Variants in SYCE1 observed in about 807,000 individuals in gnomAD.
The protein encoded by SYCE1 is cancer/testis antigen 76.
SYCE1 carries 37 observed loss-of-function variants against 55.1 expected under a neutral mutation model. The observed-to-expected ratio is 0.67, with a 90% CI of 0.52 to 0.88. The LOEUF is 0.88. Ranked by LOEUF, SYCE1 falls within the 40% of genes least tolerant of loss-of-function variation. The pLI, the probability that SYCE1 is intolerant of heterozygous loss-of-function variation, is 0.00. For synonymous variants in SYCE1, 163 were observed against 159.4 expected, an observed-to-expected ratio of 1.02 and a Z score of -0.17; for missense variants, 399 against 416.4, an observed-to-expected ratio of 0.96 and a Z score of 0.36.
At chr10:133,568,077 C>T (rs966709302), upstream of SYCE1, 7 of 678,412 alleles carry the variant, frequency 1.0e-5, no homozygotes, top group Admixed American at 1.1e-4. Flanking sequence ...GATGTGGTCA[C>T]CGAGCCCAGC....
Position 133,557,855 on chromosome 10 carries a change from A to G in SYCE1, c.374+9T>C. ...TAGTGCAGAGTTAGGCTCAGCTGGA[A>G]GCTCTTACCTGTGTGCCTCACTTTC... On this transcript the variant is annotated intron_variant, in intron 6 of 12. Transcript: ENST00000343131. The G allele has an allele frequency of 6.2e-7, 1 of 1,612,988 alleles. No individual in the cohort carries two copies. The highest frequency in any genetic ancestry group is 8.5e-7 in the Non-Finnish European group (1 of 1,179,318).
At chr10:133,566,045 G>A (rs1312769653), upstream of SYCE1, among the ~76,000 whole-genome samples, 2 of 152,236 alleles carry the variant, frequency 1.3e-5, no homozygotes, top group African/African-American at 2.4e-5. Flanking sequence ...CTGTTCCTGC[G>A]CGCGCAGAGG....
intron 1 of SYCE1, 125 bp downstream of exon 1, chr10:133,565,332 C>T (rs1336756698): frequency 6.9e-6 from 6 of 865,950 alleles, no homozygotes; most frequent in Non-Finnish European, 9.8e-6. Context: ...TCTGAAGAAA[C>T]CCGCTAAGTC....
rs761540900 is a variant in SYCE1 at position 133,558,862 on chromosome 10, C to T, written c.271+15G>A. 6.2e-7 allele frequency: 1 copy of T among 1,613,182 alleles called. No homozygotes were observed. The highest frequency in any genetic ancestry group is 1.7e-5 in the Admixed American group (1 of 59,822). ...GACACTGTGGGGACCTCTGGGTGAC[C>T]CCCGGCTCTCTTACGCGAGTCCAGT... On this transcript the variant is annotated intron_variant, in intron 4 of 12. Coordinates refer to ENST00000343131, the MANE Select transcript of SYCE1 (RefSeq NM_001143764.3).
chr10:133,561,449 C>G (rs374341527), intron 1 of SYCE1, among the ~76,000 whole-genome samples: 2 of 152,310 alleles, frequency 1.3e-5, no homozygotes, highest in South Asian at 2.1e-4. Context: ...CTAAACAACT[C>G]TACTCTTTTT....
Position 133,554,926 on chromosome 10 carries a change from A to C in SYCE1, c.*66T>G, listed in dbSNP as rs1851615175. 2.0e-6 allele frequency: 3 copies of C among 1,473,408 alleles called. No individual in the cohort carries two copies. The African/African-American group carries it at 4.3e-5, about 21-fold the overall frequency. 91.3% of individuals were successfully genotyped at this position (1,473,408 alleles called of 1,614,324 possible). A position where few individuals can be genotyped will look rare whatever the true frequency, so the allele number is the denominator to read the frequency against. ...AGAGGCAGAGTCAAGCCAAGGCTTC[A>C]ATCAGTCACAGGAGACTGGGGATCT... On this transcript the variant is annotated 3_prime_UTR_variant, in exon 13 of 13. Coordinates refer to ENST00000343131, the MANE Select transcript of SYCE1 (RefSeq NM_001143764.3).
chr10:133,555,614 CTGT>C lies in SYCE1; in HGVS notation c.810_812del (p.Gln273del), dbSNP rs764914916. The C allele has an allele frequency of 5.9e-5, 94 of 1,606,098 alleles. No homozygotes were observed. The highest frequency in any genetic ancestry group is 7.5e-5 in the Non-Finnish European group (88 of 1,179,582). ...ACACGCACCTCTGCCGCTTCTGCTG[CTGT>C]TGTTGGCACTTCTGCTGCAGCTGCT... On this transcript the variant is annotated inframe_deletion, in exon 11 of 13. Coordinates refer to ENST00000343131, the MANE Select transcript of SYCE1 (RefSeq NM_001143764.3).
intron 2 of SYCE1, 83 bp downstream of exon 2, chr10:133,560,008 G>T: frequency 2.6e-6 from 3 of 1,158,198 alleles, no homozygotes; most frequent in South Asian, 1.3e-5. Flanking sequence ...TCCCAAATTC[G>T]TACATTGTGG....
chr10:133,567,362 G>A (rs919533867), upstream of SYCE1, among the ~76,000 whole-genome samples: 1 of 151,598 alleles, frequency 6.6e-6, no homozygotes, highest in Non-Finnish European at 1.5e-5. Flanking sequence ...TAGGTGTTAG[G>A]GGTTAGGGTT....
At chr10:133,558,662 C>T (rs12164760) in intron 4 of SYCE1, 2,711 of 568,724 alleles carry the variant, frequency 4.8e-3, no homozygotes, top group African/African-American at 0.045. Context: ...GAAGCACAGA[C>T]AGCGTCTGGC....
chr10:133,566,665 G>T (rs141642947), upstream of SYCE1, among the ~76,000 whole-genome samples: 9 of 151,302 alleles, frequency 5.9e-5, no homozygotes, highest in Non-Finnish European at 1.3e-4. Flanking sequence ...GTGGGGGTTA[G>T]GGTTTGGGAT....
chr10:133,557,725 G>A (rs933264325), intron 6 of SYCE1, 139 bp downstream of exon 6: 1 of 938,378 alleles, frequency 1.1e-6, no homozygotes, highest in Non-Finnish European at 1.6e-6. Flanking sequence ...GGAGCCGAAG[G>A]GGAAAGACAT....
Position 133,557,891 on chromosome 10 carries a change from C to A in SYCE1, c.347G>T (p.Cys116Phe), listed in dbSNP as rs749419807. 1 of 1,614,146 alleles carries A rather than the reference C, an allele frequency of 6.2e-7. No individual in the cohort carries two copies. Among genetic ancestry groups the A allele is most frequent in the Non-Finnish European group, 8.5e-7 (1 of 1,180,038 alleles). ...QETLRILRLH[C>F]QEKESEAHRK... Reference sequence around the variant, plus strand: ...GTGTGCCTCACTTTCCTTTTCCTGGCAATGCAGCCGGAGGATCCTCAGGGT... The same window carrying A: ...GTGTGCCTCACTTTCCTTTTCCTGGAAATGCAGCCGGAGGATCCTCAGGGT... The change falls in exon 6 of 13, where the codon TGC becomes TTC. Residue 116 changes from cysteine (C) to phenylalanine (F), a missense_variant. Coordinates refer to ENST00000343131, the MANE Select transcript of SYCE1 (RefSeq NM_001143764.3).
rs528869442 is a variant in SYCE1 at position 133,555,517 on chromosome 10, G to A, written c.831-79C>T. 1.2e-4 allele frequency: 198 copies of A among 1,609,072 alleles called. No homozygotes were observed. The African/African-American group carries it at 2.4e-3, about 19-fold the overall frequency. The stretch of plus-strand genomic sequence containing the variant: ...GGACAAGAGGTTTTCAAGAGTCAGA[G>A]AGACAGAAGGTGGAGAGAGGAGATA... On this transcript the variant is annotated intron_variant, in intron 11 of 12. Coordinates refer to ENST00000343131, the MANE Select transcript of SYCE1 (RefSeq NM_001143764.3).
Position 133,555,429 on chromosome 10 carries a change from T to C in SYCE1, c.840A>G (p.Glu280=), listed in dbSNP as rs1851636904. The C allele has an allele frequency of 2.5e-6, 4 of 1,613,966 alleles. No homozygotes were observed. Among genetic ancestry groups the C allele is most frequent in the Admixed American group, 1.7e-5 (1 of 60,002 alleles). ...CTTGCATTCCATGCTTTTCCAGCTCTTCCTTCAGCCTGGACAGGAAGAGGT... is the reference window on the plus strand; with the variant it reads ...CTTGCATTCCATGCTTTTCCAGCTCCTCCTTCAGCCTGGACAGGAAGAGGT... ...QQQQKRQRLK[E]ELEKHGMQVP... The change falls in exon 12 of 13, where the codon GAA becomes GAG. Residue 280 remains glutamate, a synonymous_variant. Transcript: ENST00000343131.
At chr10:133,558,498 T>C in intron 4 of SYCE1, 1 of 553,766 alleles carries the variant, frequency 1.8e-6, no homozygotes, top group Non-Finnish European at 3.2e-6. Flanking sequence ...ATAAGGGCTA[T>C]AAAGAAACAC....
chr10:133,559,977 GA>G, intron 2 of SYCE1, 113 bp downstream of exon 2: 1 of 837,938 alleles, frequency 1.2e-6, no homozygotes, highest in Non-Finnish European at 1.9e-6. Flanking sequence ...TTAAAAGAAA[GA>G]GAAGGTGAAG....
upstream of SYCE1, chr10:133,565,647 G>T (rs1347537174): frequency 2.1e-5 from 20 of 950,280 alleles, no homozygotes; most frequent in Middle Eastern, 5.5e-4. Context: ...TCCTGCGCGC[G>T]CCTGGAGATG....
chr10:133,565,431 C>A (rs1031515017), intron 1 of SYCE1, 26 bp downstream of exon 1: 1 of 1,541,224 alleles, frequency 6.5e-7, no homozygotes, highest in South Asian at 1.2e-5. Context: ...GACCCTCACG[C>A]ACAGTTCCCT....
Sources: allele counts gnomAD v4.1 joint callset (sites outside exome capture counted in the v4.1 genomes callset), GRCh38; gene constraint gnomAD v4.1.1; transcripts MANE v1.5; gene names NCBI Gene and HGNC (gene_info 2026-07-23, HGNC 2026-07-21).